The following KCNMA1 variants were observed in gnomAD, a reference collection of about 807,000 sequenced individuals.
KCNMA1 encodes potassium calcium-activated channel subfamily M alpha 1.
Under a neutral mutation model 140.0 loss-of-function variants are expected in KCNMA1, and 29 were observed. The observed-to-expected ratio is 0.21, with a 90% CI of 0.15 to 0.28. The LOEUF is 0.28. Ranked by LOEUF, KCNMA1 falls within the 10% of genes least tolerant of loss-of-function variation. KCNMA1 has a pLI of 1.00. For synonymous variants in KCNMA1, 612 were observed against 611.9 expected, an observed-to-expected ratio of 1.00 and a Z score of 0.00; for missense variants, 880 against 1,602.2, an observed-to-expected ratio of 0.55 and a Z score of 7.70.
At chr10:77,520,123 G>A (rs1350069732) in intron 1 of KCNMA1, among the ~76,000 whole-genome samples, 22 of 151,072 alleles carry the variant, frequency 1.5e-4, no homozygotes, top group African/African-American at 5.4e-4. Flanking sequence ...TGAGGTCCGG[G>A]GTATGCAGTG....
chr10:77,070,536 C>T (rs1453594992), intron 14 of KCNMA1, among the ~76,000 whole-genome samples: 1 of 152,182 alleles, frequency 6.6e-6, no homozygotes, highest in African/African-American at 2.4e-5. Context: ...GCCAAAGCCT[C>T]ACCCCTTCTT....
intron 9 of KCNMA1, among the ~76,000 whole-genome samples, chr10:77,092,934 C>T (rs1301780979): frequency 2.0e-5 from 3 of 152,208 alleles, no homozygotes; most frequent in Non-Finnish European, 4.4e-5. Flanking sequence ...ATCAAAAGCT[C>T]AGCTGGCTGA....
chr10:77,417,516 C>T (rs1337477763), intron 1 of KCNMA1, among the ~76,000 whole-genome samples: 1 of 152,190 alleles, frequency 6.6e-6, no homozygotes, highest in Non-Finnish European at 1.5e-5. Context: ...TTCCTCAGGG[C>T]AGCTACATTT....
In KCNMA1 at chr10:77,458,396, G is replaced by A. The variant is rs2097794473; in HGVS notation, c.379-54373C>T. 1.3e-5 allele frequency among the ~76,000 whole-genome samples: 2 copies of A among 152,210 alleles called. 1 individual carries two copies. Among genetic ancestry groups the A allele is most frequent in the South Asian group, 4.1e-4 (2 of 4,830 alleles). ...GACCAAGGCACAGAGAGTTTCCAAG[G>A]CCACACAGCCACTTGGAAGCAGAGC... On this transcript the variant is annotated intron_variant, in intron 1 of 27. Transcript: ENST00000286628.
At chr10:77,158,329 A>T (rs1445722939) in intron 5 of KCNMA1, among the ~76,000 whole-genome samples, 2 of 152,180 alleles carry the variant, frequency 1.3e-5, no homozygotes, top group Admixed American at 1.3e-4. Context: ...TTAGGTAGTG[A>T]AGGCAAGAGC....
At chr10:77,507,113 T>C (rs573551265) in intron 1 of KCNMA1, among the ~76,000 whole-genome samples, 84 of 152,310 alleles carry the variant, frequency 5.5e-4, no homozygotes, top group African/African-American at 2.0e-3. Context: ...CAAACTTTTG[T>C]TTCCATAGTC....
chr10:77,092,667 C>T (rs2096842361), intron 9 of KCNMA1, among the ~76,000 whole-genome samples: 1 of 152,236 alleles, frequency 6.6e-6, no homozygotes, highest in African/African-American at 2.4e-5. Flanking sequence ...GTTAATACCA[C>T]CCAGCCGGCC....
chr10:76,957,229 G>C (rs1044694844), intron 20 of KCNMA1, among the ~76,000 whole-genome samples: 12 of 151,486 alleles, frequency 7.9e-5, no homozygotes, highest in Non-Finnish European at 1.5e-4. Context: ...ATAGCCAGTA[G>C]GACCCACCCA....
chr10:77,152,827 T>A (rs1362328021), intron 5 of KCNMA1, among the ~76,000 whole-genome samples: 1 of 152,152 alleles, frequency 6.6e-6, no homozygotes, highest in Non-Finnish European at 1.5e-5. Context: ...AGGGCCAGCC[T>A]CCCAGGAATA....
At chr10:77,636,042 C>T in intron 1 of KCNMA1, 1 of 286,188 alleles carries the variant, frequency 3.5e-6, no homozygotes, top group Non-Finnish European at 5.9e-6. Context: ...GAGGGGTCCT[C>T]GGTTTAACTT....
At chr10:77,250,133 A>T (rs917740888) in intron 3 of KCNMA1, 5 of 152,190 alleles carry the variant, frequency 3.3e-5, no homozygotes, top group African/African-American at 1.2e-4. Context: ...AATTACCACC[A>T]TCCCAAGCCA....
At chr10:77,045,387 A>G (rs1247766) in intron 14 of KCNMA1, among the ~76,000 whole-genome samples, 141,418 of 152,330 alleles carry the variant, frequency 0.93, 65,709 homozygotes, top group Middle Eastern at 0.97. Flanking sequence ...AGATGAGCAG[A>G]TGATGCTCTG....
At chr10:77,610,701 C>A (rs1976717) in intron 1 of KCNMA1, among the ~76,000 whole-genome samples, 35,920 of 152,136 alleles carry the variant, frequency 0.24, 4,570 homozygotes, top group Middle Eastern at 0.36. Context: ...AGAGCCCACA[C>A]AGAGTAGACC....
intron 3 of KCNMA1, chr10:77,249,384 C>T (rs1433094811): frequency 6.6e-6 from 1 of 151,932 alleles, no homozygotes; most frequent in African/African-American, 2.4e-5. Context: ...ATCTACAGAA[C>T]AAAAGACTGC....
At chr10:77,247,397 A>G (rs1437803230) in intron 3 of KCNMA1, among the ~76,000 whole-genome samples, 3 of 152,036 alleles carry the variant, frequency 2.0e-5, no homozygotes, top group Admixed American at 6.6e-5. Context: ...TATCTGTTAG[A>G]TAAGAATTGC....
At chr10:77,511,349 A>G (rs1323854125) in intron 1 of KCNMA1, among the ~76,000 whole-genome samples, 1 of 152,236 alleles carries the variant, frequency 6.6e-6, no homozygotes, top group Non-Finnish European at 1.5e-5. Context: ...CTGCAATGCC[A>G]AAGAAATCAA....
At position 77,320,896 on chromosome 10, in the gene KCNMA1, C is replaced by A. The variant is rs2607797; in HGVS notation, c.541-69640G>T. Among the ~76,000 whole-genome samples, 37 of 152,304 alleles carry A rather than the reference C, an allele frequency of 2.4e-4. 1 individual carries two copies. In the East Asian group the frequency reaches 3.9e-3, roughly 16 times the overall value. On this transcript the variant is annotated intron_variant, in intron 2 of 27. Transcript: ENST00000286628. Reference sequence around the variant, plus strand: ...TTATCCCTGGAACCTACGTCATTGTCCACCTCCAGGAATCTGTGCTGTTGA... The same window carrying A: ...TTATCCCTGGAACCTACGTCATTGTACACCTCCAGGAATCTGTGCTGTTGA...
chr10:77,474,033 T>C (rs1396069994), intron 1 of KCNMA1, among the ~76,000 whole-genome samples: 2 of 152,132 alleles, frequency 1.3e-5, no homozygotes, highest in African/African-American at 4.8e-5. Flanking sequence ...GGGTGGGCAG[T>C]CTCTCTGCTT....
chr10:77,269,861 C>T (rs778860684), intron 2 of KCNMA1, among the ~76,000 whole-genome samples: 1 of 152,178 alleles, frequency 6.6e-6, no homozygotes, highest in Admixed American at 6.5e-5. Flanking sequence ...CAAACCCACA[C>T]CTCTCCTTGA....
Sources: gnomAD v4.1 joint callset for allele counts (sites outside exome capture counted in the v4.1 genomes callset) on GRCh38, gnomAD v4.1.1 for gene constraint, MANE v1.5 for transcripts, NCBI Gene and HGNC (gene_info 2026-07-23, HGNC 2026-07-21) for gene names.